The following DLC1 variants were observed in gnomAD, a reference collection of about 807,000 sequenced individuals.
DLC1 encodes the protein rho GTPase-activating protein 7.
Under a neutral mutation model 140.3 loss-of-function variants are expected in DLC1, and 54 were observed. The ratio of observed to expected loss-of-function variants is 0.38; its 90% CI spans 0.31 to 0.48. The LOEUF is 0.48. Among genes scored for constraint, DLC1 ranks in the 20% least tolerant of loss-of-function variants. DLC1 has a pLI of 0.96. For synonymous variants in DLC1, 986 were observed against 728.1 expected (o/e 1.35, Z -5.70); for missense variants, 2,536 against 1,907.0 (o/e 1.33, Z -6.14).
At position 13,110,781 on chromosome 8, in the gene DLC1, T is replaced by C; in HGVS notation, c.1463A>G (p.His488Arg). ...PIDISLVKREHDFLDRDAIEA... is the reference protein window; with the variant it reads ...PIDISLVKRERDFLDRDAIEA... ...AATGGCATCTCTGTCCAAAAAATCA[T>C]GCTCTCTCTTGACCAAGGAAATATC... Residue 488 changes from histidine (H) to arginine (R), a missense_variant, in exon 7 of 18, where the codon CAT becomes CGT. His to Arg is a conservative substitution (Grantham distance 29, BLOSUM62 0). Coordinates refer to ENST00000276297, the MANE Select transcript of DLC1 (RefSeq NM_182643.3). The C allele has an allele frequency of 6.2e-7, 1 of 1,614,082 alleles. No homozygotes were observed. The highest frequency in any genetic ancestry group is 1.3e-5 in the African/African-American group (1 of 75,038).
intron 3 of DLC1, among the ~76,000 whole-genome samples, chr8:13,400,453 A>C (rs938296030): frequency 1.3e-5 from 2 of 152,206 alleles, no homozygotes; most frequent in Admixed American, 1.3e-4. Context: ...TTTACACTAC[A>C]AAGTTCATAA....
intron 2 of DLC1, among the ~76,000 whole-genome samples, chr8:13,424,246 C>T (rs1028301198): frequency 6.6e-6 from 1 of 152,052 alleles, no homozygotes; most frequent in African/African-American, 2.4e-5. Flanking sequence ...CCCCTATAAT[C>T]CCAGCACTTT....
chr8:13,234,659 T>A (rs11992390), intron 5 of DLC1, among the ~76,000 whole-genome samples: 2,118 of 152,074 alleles, frequency 0.014, 58 homozygotes, highest in African/African-American at 0.048. Context: ...ACATCTTGTC[T>A]AGGGTTCTAC....
chr8:13,508,401 A>G lies in DLC1; in HGVS notation c.-126+6201T>C, dbSNP rs370378450. ...GAGCCATGTGGGACAATATTGCTTT[A>G]TGGATGTAGTAACTTCTTTTTCTTT... On this transcript the variant is annotated intron_variant, in intron 1 of 17. Coordinates refer to ENST00000276297, the MANE Select transcript of DLC1 (RefSeq NM_182643.3). 1.8e-3 allele frequency among the ~76,000 whole-genome samples: 276 copies of G among 150,198 alleles called. 1 individual carries two copies. Among genetic ancestry groups the G allele is most frequent in the African/African-American group, 6.5e-3 (266 of 41,098 alleles).
chr8:13,545,511 C>A (rs183356737), intron 1 of DLC1, among the ~76,000 whole-genome samples: 2 of 151,916 alleles, frequency 1.3e-5, no homozygotes, highest in African/African-American at 4.8e-5. Context: ...GATCATGATG[C>A]ATTGTATGAC....
At chr8:13,482,410 A>G (rs573900367) in intron 2 of DLC1, among the ~76,000 whole-genome samples, 4 of 60,982 alleles carry the variant, frequency 6.6e-5, no homozygotes, top group Non-Finnish European at 1.5e-4. Flanking sequence ...TTTACATATT[A>G]AAAAGATAAA....
At chr8:13,263,934 T>G (rs1830572866) in intron 5 of DLC1, among the ~76,000 whole-genome samples, 1 of 151,846 alleles carries the variant, frequency 6.6e-6, no homozygotes, top group African/African-American at 2.4e-5. Context: ...ACAATAATAT[T>G]CATAACAGCA....
intron 1 of DLC1, among the ~76,000 whole-genome samples, chr8:13,597,628 A>T: frequency 6.6e-6 from 1 of 152,020 alleles, no homozygotes; most frequent in East Asian, 1.9e-4. Flanking sequence ...ATGGAGGATA[A>T]ATGCTTAAAT....
At chr8:13,537,993 T>G (rs1240600642) in intron 1 of DLC1, among the ~76,000 whole-genome samples, 1 of 152,160 alleles carries the variant, frequency 6.6e-6, no homozygotes, top group Non-Finnish European at 1.5e-5. Context: ...CGTTCCACGC[T>G]TTGGGCTAAG....
intron 5 of DLC1, among the ~76,000 whole-genome samples, chr8:13,170,317 T>C (rs1471719870): frequency 6.6e-6 from 1 of 152,150 alleles, no homozygotes; most frequent in East Asian, 1.9e-4. Context: ...TCACAATCAT[T>C]GAGAAGAAAA....
intron 5 of DLC1, among the ~76,000 whole-genome samples, chr8:13,283,328 A>C (rs1213174065): frequency 6.6e-6 from 1 of 151,880 alleles, no homozygotes; most frequent in African/African-American, 2.4e-5. Context: ...ACACACACAG[A>C]AAAGAAATCA....
chr8:13,235,506 C>A (rs117211369), intron 5 of DLC1, among the ~76,000 whole-genome samples: 1,711 of 152,106 alleles, frequency 0.011, 12 homozygotes, highest in South Asian at 0.037. Flanking sequence ...ATATTCTAAA[C>A]CTCCTTCTAA....
chr8:13,530,481 G>C (rs1042296219), intron 1 of DLC1, among the ~76,000 whole-genome samples: 4 of 152,094 alleles, frequency 2.6e-5, no homozygotes, highest in African/African-American at 7.2e-5. Context: ...AGACATATCT[G>C]TGTTTCTTGG....
intron 5 of DLC1, among the ~76,000 whole-genome samples, chr8:13,249,526 C>T (rs1037152134): frequency 6.6e-6 from 1 of 152,136 alleles, no homozygotes. Flanking sequence ...AGGGTGGTTC[C>T]TCCTCCTAGC....
At chr8:13,096,631 G>T (rs563274728) in intron 10 of DLC1, among the ~76,000 whole-genome samples, 56 of 152,018 alleles carry the variant, frequency 3.7e-4, no homozygotes, top group Non-Finnish European at 5.0e-4. Context: ...ACTTATTTCT[G>T]TCATTCAGAA....
intron 1 of DLC1, among the ~76,000 whole-genome samples, chr8:13,589,843 C>T (rs1192508357): frequency 1.3e-5 from 2 of 151,462 alleles, no homozygotes; most frequent in African/African-American, 4.8e-5. Context: ...AAAAGAAATA[C>T]ATACTCATCT....
At chr8:13,327,443 A>G (rs544530639) in intron 4 of DLC1, among the ~76,000 whole-genome samples, 112 of 132,122 alleles carry the variant, frequency 8.5e-4, no homozygotes, top group African/African-American at 3.2e-3. Context: ...CATAAAACAT[A>G]TTTTATTTTT....
chr8:13,090,596 C>G, intron 14 of DLC1, 126 bp from the exon 15 acceptor site: 2 of 1,066,218 alleles, frequency 1.9e-6, no homozygotes, highest in Non-Finnish European at 2.7e-6. Flanking sequence ...ATCTTCCCGC[C>G]GGAGGTGGGC....
intron 2 of DLC1, among the ~76,000 whole-genome samples, chr8:13,439,531 A>G (rs1839267420): frequency 6.6e-6 from 1 of 151,698 alleles, no homozygotes; most frequent in Non-Finnish European, 1.5e-5. Context: ...AAATTAGCCA[A>G]TTTCAAATGC....
Sources: gnomAD v4.1 joint callset for allele counts (sites outside exome capture counted in the v4.1 genomes callset) on GRCh38, gnomAD v4.1.1 for gene constraint, MANE v1.5 for transcripts, NCBI Gene and HGNC (gene_info 2026-07-23, HGNC 2026-07-21) for gene names.